Variants in DYNC1I1 observed in about 807,000 individuals in gnomAD.
DYNC1I1 encodes the protein dynein cytoplasmic 1 intermediate chain 1.
Under a neutral mutation model 86.6 loss-of-function variants are expected in DYNC1I1, and 43 were observed. The observed-to-expected ratio is 0.50, with a 90% CI of 0.39 to 0.64. DYNC1I1 has a LOEUF of 0.64. Ranked by LOEUF, DYNC1I1 falls within the 30% of genes least tolerant of loss-of-function variation. The pLI is 0.00. For synonymous variants in DYNC1I1, 262 were observed against 283.7 expected, an observed-to-expected ratio of 0.92 and a Z score of 0.77; for missense variants, 604 against 788.8, an observed-to-expected ratio of 0.77 and a Z score of 2.81.
chr7:95,876,773 A>G (rs951136015), intron 6 of DYNC1I1, among the ~76,000 whole-genome samples: 6 of 152,146 alleles, frequency 3.9e-5, no homozygotes, highest in Admixed American at 3.9e-4. Context: ...CTTAAGAAAC[A>G]TCTAAGGTTC....
At chr7:95,861,053 T>C (rs912849910) in intron 5 of DYNC1I1, among the ~76,000 whole-genome samples, 1 of 152,160 alleles carries the variant, frequency 6.6e-6, no homozygotes, top group Non-Finnish European at 1.5e-5. Context: ...TCAGGAATCA[T>C]TCCTGCTCTA....
At position 95,970,544 on chromosome 7, in the gene DYNC1I1, T is replaced by C. The variant is rs80101246; in HGVS notation, c.491-6968T>C. Among the ~76,000 whole-genome samples the C allele has an allele frequency of 7.0e-3, 1,069 of 152,248 alleles. 15 individuals are homozygous for C. Among genetic ancestry groups the C allele is most frequent in the African/African-American group, 0.024 (1,004 of 41,518 alleles). On this transcript the variant is annotated intron_variant, in intron 6 of 16. Transcript: ENST00000447467. ...ATCTAGCATCAGCAGTGCCTTGGATTTCTTTTGAAATTGTTAATAATATTT... is the reference window on the plus strand; with the variant it reads ...ATCTAGCATCAGCAGTGCCTTGGATCTCTTTTGAAATTGTTAATAATATTT...
chr7:95,894,882 C>T (rs1189889329), intron 6 of DYNC1I1, among the ~76,000 whole-genome samples: 1 of 152,070 alleles, frequency 6.6e-6, no homozygotes, highest in East Asian at 1.9e-4. Context: ...ACTTCTTAGC[C>T]CAATTCGTTC....
intron 16 of DYNC1I1, among the ~76,000 whole-genome samples, chr7:96,084,848 C>T (rs1790632566): frequency 1.3e-5 from 2 of 152,134 alleles, no homozygotes; most frequent in Non-Finnish European, 2.9e-5. Flanking sequence ...CTCCCACAAC[C>T]CTCTTTTGAT....
chr7:96,065,631 GC>G (rs1427619473), intron 14 of DYNC1I1, among the ~76,000 whole-genome samples: 2 of 152,014 alleles, frequency 1.3e-5, no homozygotes, highest in African/African-American at 4.8e-5. Context: ...CAAGCAATTT[GC>G]CCGCCTTGGT....
At chr7:96,097,027 T>C (rs1791031651) in intron 16 of DYNC1I1, among the ~76,000 whole-genome samples, 2 of 152,158 alleles carry the variant, frequency 1.3e-5, no homozygotes, top group African/African-American at 4.8e-5. Flanking sequence ...ATATAAGCTA[T>C]TCTTTTGCCC....
chr7:96,049,308 G>A (rs1350316164), intron 14 of DYNC1I1, among the ~76,000 whole-genome samples: 1 of 151,100 alleles, frequency 6.6e-6, no homozygotes, highest in African/African-American at 2.4e-5. Flanking sequence ...CAGGACTATG[G>A]CTGAAAATAA....
At chr7:95,934,952 T>G (rs1290554611) in intron 6 of DYNC1I1, among the ~76,000 whole-genome samples, 2 of 148,976 alleles carry the variant, frequency 1.3e-5, no homozygotes, top group Admixed American at 6.7e-5. Flanking sequence ...GTTTTTTGTT[T>G]TGTGTGTGTG....
chr7:95,940,982 G>C (rs1792197027), intron 6 of DYNC1I1, among the ~76,000 whole-genome samples: 1 of 152,148 alleles, frequency 6.6e-6, no homozygotes, highest in Admixed American at 6.5e-5. Context: ...TTTTGGTGTG[G>C]ATGTCCTTTC....
chr7:96,076,326 G>A (rs1433711917), intron 15 of DYNC1I1, 129 bp downstream of exon 15: 5 of 1,353,388 alleles, frequency 3.7e-6, no homozygotes, highest in Admixed American at 2.6e-5. Flanking sequence ...AGGGCTGCCG[G>A]CCCCCATTCT....
At chr7:95,856,579 C>A (rs1789729747) in intron 5 of DYNC1I1, among the ~76,000 whole-genome samples, 2 of 152,164 alleles carry the variant, frequency 1.3e-5, no homozygotes, top group African/African-American at 4.8e-5. Context: ...TCATTTTCTT[C>A]TTCAGCTGTG....
At chr7:95,797,639 G>A (rs1298809556) in intron 1 of DYNC1I1, among the ~76,000 whole-genome samples, 2 of 152,180 alleles carry the variant, frequency 1.3e-5, no homozygotes, top group African/African-American at 4.8e-5. Context: ...ATGTAACAGA[G>A]TACAAAAAGT....
chr7:96,022,402 T>A (rs772050596), intron 10 of DYNC1I1, among the ~76,000 whole-genome samples: 8 of 152,078 alleles, frequency 5.3e-5, no homozygotes, highest in Non-Finnish European at 1.2e-4. Flanking sequence ...TATTTCTTAG[T>A]ATAAAGAGTG....
intron 6 of DYNC1I1, among the ~76,000 whole-genome samples, chr7:95,966,658 C>G (rs568041844): frequency 6.6e-6 from 1 of 152,304 alleles, no homozygotes; most frequent in East Asian, 1.9e-4. Flanking sequence ...CCTCGGTTTT[C>G]TCATACATAG....
chr7:96,048,651 C>T (rs1365392696), intron 14 of DYNC1I1, among the ~76,000 whole-genome samples: 1 of 152,144 alleles, frequency 6.6e-6, no homozygotes, highest in East Asian at 1.9e-4. Context: ...GCTGGTGGGG[C>T]AGTTCAGTTA....
intron 10 of DYNC1I1, among the ~76,000 whole-genome samples, chr7:96,022,833 G>C (rs924359942): frequency 6.6e-6 from 1 of 151,828 alleles, no homozygotes; most frequent in South Asian, 2.1e-4. Flanking sequence ...CTGTGCCATT[G>C]CATTCCAGCC....
At chr7:95,977,683 A>C in intron 7 of DYNC1I1, 82 bp downstream of exon 7, 6 of 1,316,658 alleles carry the variant, frequency 4.6e-6, no homozygotes, top group African/African-American at 4.5e-5. Context: ...CTATAGAGCT[A>C]AGTAAAAATT....
chr7:95,865,175 G>A (rs750195450), intron 5 of DYNC1I1, among the ~76,000 whole-genome samples: 2 of 152,132 alleles, frequency 1.3e-5, no homozygotes, highest in East Asian at 3.9e-4. Context: ...GTTTACTCTT[G>A]GCACAATTAA....
At chr7:96,040,699 A>C (rs959669839) in intron 14 of DYNC1I1, among the ~76,000 whole-genome samples, 3 of 151,458 alleles carry the variant, frequency 2.0e-5, no homozygotes, top group African/African-American at 7.3e-5. Context: ...AATAGCAGTG[A>C]TCTTCACAAA....
Sources: allele counts gnomAD v4.1 joint callset (sites outside exome capture counted in the v4.1 genomes callset), GRCh38; gene constraint gnomAD v4.1.1; transcripts MANE v1.5; gene names NCBI Gene and HGNC (gene_info 2026-07-23, HGNC 2026-07-21).